C4orf17: variants seen among roughly 807,000 people sequenced by gnomAD.
C4orf17 encodes chromosome 4 open reading frame 17.
In C4orf17, 25 loss-of-function variants were observed where a neutral mutation model predicts 32.0. That is an observed-to-expected ratio of 0.78 (90% CI 0.57 to 1.09). The LOEUF is 1.09. Ranked by LOEUF, C4orf17 falls within the 50% of genes least tolerant of loss-of-function variation. The pLI is 0.00. For synonymous variants in C4orf17, 149 were observed against 145.8 expected, an observed-to-expected ratio of 1.02 and a Z score of -0.16; for missense variants, 420 against 420.0, an observed-to-expected ratio of 1.00 and a Z score of 0.00.
chr4:99,525,267 G>A (rs1381520141), intron 4 of C4orf17, among the ~76,000 whole-genome samples: 2 of 152,078 alleles, frequency 1.3e-5, no homozygotes, highest in Non-Finnish European at 2.9e-5. Context: ...CAAAATGATT[G>A]TCCCATTTTA....
At chr4:99,535,586 T>G (rs1723548204) in intron 5 of C4orf17, among the ~76,000 whole-genome samples, 1 of 152,238 alleles carries the variant, frequency 6.6e-6, no homozygotes, top group South Asian at 2.1e-4. Context: ...CTCCATCAGG[T>G]CAGTTATGTT....
intron 5 of C4orf17, among the ~76,000 whole-genome samples, chr4:99,531,819 C>T (rs1723481724): frequency 6.6e-6 from 1 of 151,310 alleles, no homozygotes; most frequent in Non-Finnish European, 1.5e-5. Flanking sequence ...AAATACTGCT[C>T]ATCTTGGAGG....
intron 6 of C4orf17, among the ~76,000 whole-genome samples, chr4:99,538,434 G>A (rs1336476095): frequency 6.6e-6 from 1 of 152,192 alleles, no homozygotes; most frequent in Non-Finnish European, 1.5e-5. Context: ...TACTCTTTGA[G>A]AATCACTGCA....
At chr4:99,536,992 G>C (rs1404334059) in intron 5 of C4orf17, among the ~76,000 whole-genome samples, 3 of 152,048 alleles carry the variant, frequency 2.0e-5, no homozygotes, top group Non-Finnish European at 4.4e-5. Context: ...TCAGGTCATA[G>C]GGTAAATACT....
chr4:99,524,406 A>G (rs1723351428), intron 3 of C4orf17, 115 bp from the exon 4 acceptor site: 1 of 575,758 alleles, frequency 1.7e-6, no homozygotes. Flanking sequence ...CAGATTCCTG[A>G]ATTGACCTTA....
chr4:99,539,288 C>T lies in C4orf17; in HGVS notation c.754C>T (p.Pro252Ser). 6.2e-7 allele frequency: 1 copy of T among 1,614,128 alleles called. No individual in the cohort carries two copies. Among genetic ancestry groups the T allele is most frequent in the Non-Finnish European group, 8.5e-7 (1 of 1,179,984 alleles). Residue 252 changes from proline to serine, a missense_variant, in exon 7 of 9, where the codon CCA (proline) becomes TCA (serine). By Grantham distance (74) the Pro-to-Ser change is moderately conservative (BLOSUM62 -1). Transcript: ENST00000326581. Reference protein sequence around the residue: ...ETGKPPTVKSPPTVKLPPNFT... With the variant: ...ETGKPPTVKSSPTVKLPPNFT... ...TGGGAAGCCACCCACAGTTAAATCA[C>T]CACCCACAGTTAAATTGCCCCCAAA...
rs149137653 is a variant in C4orf17 at position 99,542,101 on chromosome 4, C to T, written c.1072C>T (p.Arg358Trp). 1.2e-3 allele frequency: 1,901 copies of T among 1,613,146 alleles called. 13 individuals are homozygous for T. Among genetic ancestry groups the T allele is most frequent in the South Asian group, 0.01 (952 of 90,940 alleles). ...PQRACYPSTHRR is the reference protein window; with the variant it reads ...PQRACYPSTHWR ...AAGAGCATGTTATCCTTCAACACAC[C>T]GGAGGTAGAAGTTCTAGACTGGGTG... The change falls in exon 9 of 9, where the codon CGG becomes TGG. Residue 358 changes from arginine to tryptophan, a missense_variant. By Grantham distance (101) the Arg-to-Trp change is moderately radical (BLOSUM62 -3). Coordinates refer to ENST00000326581, the MANE Select transcript of C4orf17 (RefSeq NM_032149.3).
At chr4:99,530,676 A>G (rs555135873) in intron 5 of C4orf17, among the ~76,000 whole-genome samples, 5 of 152,160 alleles carry the variant, frequency 3.3e-5, no homozygotes, top group Non-Finnish European at 7.4e-5. Flanking sequence ...CAAATAACAG[A>G]GCATGTTGTA....
rs1434760109 is a variant in C4orf17 at position 99,511,055 on chromosome 4, C to T, written c.-311C>T. On this transcript the variant is annotated 5_prime_UTR_variant, in exon 1 of 9. Transcript: ENST00000326581. Reference sequence around the variant, plus strand: ...TAACAACCAGGGAGCCACACAGGCTCCTTGGAGTAAGAGTGTGAGAAACTG... The same window carrying T: ...TAACAACCAGGGAGCCACACAGGCTTCTTGGAGTAAGAGTGTGAGAAACTG... 1 of 152,080 alleles carries T rather than the reference C, an allele frequency of 6.6e-6. No individual in the cohort carries two copies. Among genetic ancestry groups the T allele is most frequent in the Non-Finnish European group, 1.5e-5 (1 of 68,022 alleles). The allele number at this position is 152,080 out of a possible 1,614,324, so 9.4% of individuals were successfully genotyped here. A position where few individuals can be genotyped will look rare whatever the true frequency, so the allele number is the denominator to read the frequency against.
intron 4 of C4orf17, among the ~76,000 whole-genome samples, chr4:99,525,723 G>A (rs1229478947): frequency 6.6e-6 from 1 of 152,010 alleles, no homozygotes; most frequent in African/African-American, 2.4e-5. Context: ...GAATCCGGGA[G>A]GTGGAGGAGG....
Position 99,512,974 on chromosome 4 carries a change from A to T in C4orf17, c.-93-15A>T. The T allele has an allele frequency of 1.8e-6, 2 of 1,087,842 alleles. No homozygotes were observed. The highest frequency in any genetic ancestry group is 2.7e-6 in the Non-Finnish European group (2 of 750,712). The allele number at this position is 1,087,842 out of a possible 1,614,324, so 67.4% of individuals were successfully genotyped here. ...AGAAACTCTTGTCAGAATGTTTGTC[A>T]TTTTGTGATTTCAGGGTCTGAGCAC... On this transcript the variant is annotated splice_polypyrimidine_tract_variant and intron_variant, in intron 1 of 8. Coordinates refer to ENST00000326581, the MANE Select transcript of C4orf17 (RefSeq NM_032149.3).
Position 99,540,285 on chromosome 4 carries a change from A to T in C4orf17, c.837-127A>T, listed in dbSNP as rs1208424668. On this transcript the variant is annotated intron_variant, in intron 7 of 8. Transcript: ENST00000326581. The stretch of plus-strand genomic sequence containing the variant: ...AAATTTAATACTGTATGCATTAAAA[A>T]AAACAAAGAATTGGGGTAGCATATT... 5.1e-6 allele frequency: 3 copies of T among 589,914 alleles called. No individual in the cohort carries two copies. The Admixed American group carries it at 9.3e-5, about 18-fold the overall frequency. 36.5% of individuals were successfully genotyped at this position (589,914 alleles called of 1,614,324 possible).
chr4:99,518,630 C>T (rs928526008), intron 2 of C4orf17, among the ~76,000 whole-genome samples: 2 of 129,358 alleles, frequency 1.5e-5, no homozygotes, highest in Non-Finnish European at 3.2e-5. Context: ...TACACAAAAT[C>T]CTTTGGAGGC....
At chr4:99,521,205 C>G (rs1344701526) in intron 2 of C4orf17, among the ~76,000 whole-genome samples, 3 of 152,014 alleles carry the variant, frequency 2.0e-5, no homozygotes, top group Non-Finnish European at 4.4e-5. Context: ...AACCTCGTCT[C>G]TACCAAAGAT....
At chr4:99,522,962 C>A (rs1208415171) in intron 3 of C4orf17, among the ~76,000 whole-genome samples, 1 of 151,964 alleles carries the variant, frequency 6.6e-6, no homozygotes, top group Non-Finnish European at 1.5e-5. Context: ...GTCTTTAATC[C>A]CTACAAAACT....
intron 3 of C4orf17, 89 bp from the exon 4 acceptor site, chr4:99,524,432 T>TC (rs35080520): frequency 0.5 from 358,815 of 718,564 alleles, 98,986 homozygotes; most frequent in African/African-American, 0.88. Context: ...AGAAACACTC[T>TC]ATCTATTTCA....
At chr4:99,541,788 G>A in intron 8 of C4orf17, 122 bp from the exon 9 acceptor site, 1 of 688,834 alleles carries the variant, frequency 1.5e-6, no homozygotes, top group Non-Finnish European at 2.5e-6. Context: ...TGTGAATTTT[G>A]GGTGTATCTG....
chr4:99,515,716 AG>A (rs1319019077), intron 2 of C4orf17, among the ~76,000 whole-genome samples: 1 of 152,212 alleles, frequency 6.6e-6, no homozygotes, highest in East Asian at 1.9e-4. Context: ...AGTTAAAAAA[AG>A]AACTTATCCA....
chr4:99,539,708 C>T (rs1209057533), intron 7 of C4orf17, among the ~76,000 whole-genome samples: 1 of 152,064 alleles, frequency 6.6e-6, no homozygotes, highest in East Asian at 1.9e-4. Context: ...AAAATAGATG[C>T]AATTAAGGAA....
Sources: gnomAD v4.1 joint callset for allele counts (sites outside exome capture counted in the v4.1 genomes callset) on GRCh38, gnomAD v4.1.1 for gene constraint, MANE v1.5 for transcripts, NCBI Gene and HGNC (gene_info 2026-07-23, HGNC 2026-07-21) for gene names.